The following CACNA2D3 variants were observed in gnomAD, a reference collection of about 807,000 sequenced individuals.
The protein encoded by CACNA2D3 is calcium voltage-gated channel auxiliary subunit alpha2delta 3, also known as voltage-dependent calcium channel subunit alpha-2/delta-3.
Under a neutral mutation model 160.6 loss-of-function variants are expected in CACNA2D3, and 60 were observed. The observed-to-expected ratio is 0.37, with a 90% CI of 0.30 to 0.46. The LOEUF (loss-of-function observed/expected upper bound fraction) is 0.46, where lower values mean the gene tolerates loss of function less well. CACNA2D3 is among the 20% of genes least tolerant of loss of function. The pLI, the probability that CACNA2D3 is intolerant of heterozygous loss-of-function variation, is 1.00. For missense variants in CACNA2D3, 1,205 were observed against 1,365.0 expected, an observed-to-expected ratio of 0.88 and a Z score of 1.85; for synonymous variants, 558 against 492.9, an observed-to-expected ratio of 1.13 and a Z score of -1.75.
intron 21 of CACNA2D3, among the ~76,000 whole-genome samples, chr3:54,882,805 C>G (rs549401077): frequency 6.6e-6 from 1 of 152,238 alleles, no homozygotes; most frequent in Admixed American, 6.5e-5. Context: ...GGGTTGGCAA[C>G]CATACTTCTA....
chr3:54,991,224 AT>A (rs72441718), intron 31 of CACNA2D3, among the ~76,000 whole-genome samples: 1,629 of 138,568 alleles, frequency 0.012, 9 homozygotes, highest in African/African-American at 0.016. Context: ...AGTGTCGAGT[AT>A]TTTTTTTTTT....
rs150326228 is a variant in CACNA2D3, at chr3:54,486,249, T to C, written c.382-17243T>C. ...GTTCCAGGCCCTTCCTGACAGCTGG[T>C]TGCATTTAGTCCTTTGAATTCCATC... On this transcript the variant is annotated intron_variant, in intron 4 of 37. Transcript: ENST00000474759. Among the ~76,000 whole-genome samples the C allele has an allele frequency of 2.1e-3, 325 of 152,246 alleles. 2 individuals are homozygous for C. The highest frequency in any genetic ancestry group is 7.5e-3 in the African/African-American group (311 of 41,534).
intron 27 of CACNA2D3, among the ~76,000 whole-genome samples, chr3:54,942,222 C>T (rs1278274916): frequency 2.0e-5 from 3 of 152,140 alleles, no homozygotes; most frequent in East Asian, 1.9e-4. Flanking sequence ...GTGCTTTTAA[C>T]GCCAGCCCAT....
intron 11 of CACNA2D3, among the ~76,000 whole-genome samples, chr3:54,685,691 C>T (rs1013787815): frequency 1.3e-5 from 2 of 152,214 alleles, no homozygotes; most frequent in African/African-American, 4.8e-5. Flanking sequence ...CTGACATCGT[C>T]CCTACCTAGT....
intron 2 of CACNA2D3, among the ~76,000 whole-genome samples, chr3:54,291,814 T>G (rs1294785507): frequency 6.6e-6 from 1 of 152,168 alleles, no homozygotes; most frequent in Non-Finnish European, 1.5e-5. Context: ...GAAGGAACAT[T>G]TACATTGATT....
At chr3:55,036,735 G>A (rs1377681572) in intron 35 of CACNA2D3, among the ~76,000 whole-genome samples, 2 of 152,022 alleles carry the variant, frequency 1.3e-5, no homozygotes, top group Admixed American at 1.3e-4. Context: ...CAAAGTGCTG[G>A]GATTACAGGC....
chr3:54,466,022 T>C (rs974377200), intron 4 of CACNA2D3, among the ~76,000 whole-genome samples: 12 of 152,176 alleles, frequency 7.9e-5, no homozygotes, highest in African/African-American at 2.9e-4. Context: ...CCCTCCACCT[T>C]CAAAACCACC....
chr3:54,672,357 A>G (rs1700176630), intron 11 of CACNA2D3, among the ~76,000 whole-genome samples: 1 of 152,192 alleles, frequency 6.6e-6, no homozygotes, highest in Non-Finnish European at 1.5e-5. Flanking sequence ...AAACAGCCAG[A>G]GGGTCTGAGT....
At chr3:54,945,403 CT>C (rs1028705638) in intron 27 of CACNA2D3, among the ~76,000 whole-genome samples, 8 of 152,180 alleles carry the variant, frequency 5.3e-5, no homozygotes, top group African/African-American at 1.9e-4. Flanking sequence ...AATGCCATCT[CT>C]TTTTTGACCT....
At chr3:54,486,936 A>G (rs1701024605) in intron 4 of CACNA2D3, among the ~76,000 whole-genome samples, 1 of 152,220 alleles carries the variant, frequency 6.6e-6, no homozygotes, top group Admixed American at 6.5e-5. Context: ...CTACCTGACA[A>G]CATGGTAGAG....
At position 54,410,763 on chromosome 3, in the gene CACNA2D3, A is replaced by G. The variant is rs534415701; in HGVS notation, c.381+23989A>G. ...TAACGCAACATCCGTTCTACAGTCC[A>G]CGGATCAGGGAGTAATTTCAACTTT... On this transcript the variant is annotated intron_variant, in intron 4 of 37. Coordinates refer to ENST00000474759, the MANE Select transcript of CACNA2D3 (RefSeq NM_018398.3). Among the ~76,000 whole-genome samples, 441 of 152,328 alleles carry G rather than the reference A, an allele frequency of 2.9e-3. 1 individual carries two copies. The highest frequency in any genetic ancestry group is 0.01 in the African/African-American group (422 of 41,570).
At chr3:54,329,256 C>T (rs375847099) in intron 3 of CACNA2D3, among the ~76,000 whole-genome samples, 4 of 152,258 alleles carry the variant, frequency 2.6e-5, no homozygotes, top group East Asian at 3.9e-4. Flanking sequence ...CCCAACTTGC[C>T]TTTACTGTGG....
chr3:54,401,750 TAA>T (rs908846033), intron 4 of CACNA2D3, among the ~76,000 whole-genome samples: 4 of 152,180 alleles, frequency 2.6e-5, no homozygotes, highest in Non-Finnish European at 5.9e-5. Flanking sequence ...AAGAAATACT[TAA>T]GAGAGTTCTT....
At chr3:54,662,794 T>C (rs1444944592) in intron 11 of CACNA2D3, among the ~76,000 whole-genome samples, 1 of 152,236 alleles carries the variant, frequency 6.6e-6, no homozygotes, top group African/African-American at 2.4e-5. Context: ...TCAGTGTTAA[T>C]GTGGAAGCGG....
intron 14 of CACNA2D3, among the ~76,000 whole-genome samples, chr3:54,834,354 C>T (rs1386033451): frequency 3.9e-5 from 6 of 152,244 alleles, no homozygotes; most frequent in South Asian, 4.1e-4. Context: ...ATAGCATTAA[C>T]GATTAATCAA....
chr3:54,951,505 G>A (rs1424643263), intron 27 of CACNA2D3, among the ~76,000 whole-genome samples: 1 of 152,212 alleles, frequency 6.6e-6, no homozygotes, highest in East Asian at 1.9e-4. Context: ...TGAGTTGTAG[G>A]ATTTCAGTTA....
chr3:54,274,692 C>A (rs940015217), intron 2 of CACNA2D3, among the ~76,000 whole-genome samples: 3 of 152,230 alleles, frequency 2.0e-5, no homozygotes, highest in Admixed American at 6.5e-5. Flanking sequence ...TGACAGGCTG[C>A]ACTCAAGGTG....
intron 35 of CACNA2D3, among the ~76,000 whole-genome samples, chr3:55,022,065 A>T: frequency 6.6e-6 from 1 of 152,104 alleles, no homozygotes; most frequent in East Asian, 1.9e-4. Context: ...TTTAGATGTC[A>T]GTTAATCTCT....
chr3:54,811,292 T>G (rs1046440845), intron 13 of CACNA2D3, among the ~76,000 whole-genome samples: 2 of 152,026 alleles, frequency 1.3e-5, no homozygotes, highest in African/African-American at 4.8e-5. Context: ...AGTCATCTTC[T>G]CAGTAAATGG....
Sources: gnomAD v4.1 joint callset for allele counts (sites outside exome capture counted in the v4.1 genomes callset) on GRCh38, gnomAD v4.1.1 for gene constraint, MANE v1.5 for transcripts, NCBI Gene and HGNC (gene_info 2026-07-23, HGNC 2026-07-21) for gene names.